CAMK1D: variants seen among roughly 807,000 people sequenced by gnomAD.
CAMK1D encodes the protein calcium/calmodulin dependent protein kinase ID.
CAMK1D carries 9 observed loss-of-function variants against 47.7 expected under a neutral mutation model. The observed-to-expected ratio is 0.19, with a 90% confidence interval of 0.11 to 0.33. The LOEUF (loss-of-function observed/expected upper bound fraction) is 0.33. Ranked by LOEUF, CAMK1D falls within the 10% of genes least tolerant of loss-of-function variation. CAMK1D has a pLI of 1.00. For synonymous variants in CAMK1D, 184 were observed against 184.9 expected, an observed-to-expected ratio of 0.99 and a Z score of 0.04; for missense variants, 291 against 488.7, an observed-to-expected ratio of 0.60 and a Z score of 3.81.
chr10:12,717,024 TAAAAAC>T (rs1834168808), intron 3 of CAMK1D, among the ~76,000 whole-genome samples: 1 of 152,242 alleles, frequency 6.6e-6, no homozygotes, highest in Non-Finnish European at 1.5e-5. Flanking sequence ...TGGTCAGTGT[TAAAAAC>T]AGAATGCCAT....
intron 1 of CAMK1D, among the ~76,000 whole-genome samples, chr10:12,466,914 C>T (rs1046903048): frequency 6.6e-6 from 1 of 152,062 alleles, no homozygotes; most frequent in Admixed American, 6.6e-5. Flanking sequence ...AGCTGGGGCA[C>T]ATTTGCTTGT....
chr10:12,746,429 G>C (rs1835685006), intron 3 of CAMK1D, among the ~76,000 whole-genome samples: 1 of 151,260 alleles, frequency 6.6e-6, no homozygotes, highest in African/African-American at 2.4e-5. Context: ...TTTTAGAAAA[G>C]CTTGCCAGAA....
chr10:12,604,283 G>A (rs59336224), intron 2 of CAMK1D, among the ~76,000 whole-genome samples: 5 of 152,148 alleles, frequency 3.3e-5, no homozygotes, highest in Non-Finnish European at 7.4e-5. Flanking sequence ...GGAGATGGGG[G>A]TTGCGCAAAC....
chr10:12,739,913 G>A (rs1476620204), intron 3 of CAMK1D, among the ~76,000 whole-genome samples: 1 of 152,080 alleles, frequency 6.6e-6, no homozygotes, highest in African/African-American at 2.4e-5. Flanking sequence ...AGAAGAAAGT[G>A]GAATTTGTAC....
intron 1 of CAMK1D, among the ~76,000 whole-genome samples, chr10:12,390,948 G>A (rs919234391): frequency 2.0e-5 from 3 of 152,104 alleles, no homozygotes; most frequent in Admixed American, 2.0e-4. Flanking sequence ...AACTTGATGA[G>A]ATTCTGTGTG....
At chr10:12,435,465 A>G (rs534251103) in intron 1 of CAMK1D, among the ~76,000 whole-genome samples, 2 of 152,034 alleles carry the variant, frequency 1.3e-5, no homozygotes, top group Non-Finnish European at 2.9e-5. Flanking sequence ...ACCTTTGTGC[A>G]ACAGGCTGGA....
intron 2 of CAMK1D, among the ~76,000 whole-genome samples, chr10:12,634,312 C>A (rs1326439276): frequency 6.6e-6 from 1 of 152,032 alleles, no homozygotes; most frequent in African/African-American, 2.4e-5. Flanking sequence ...AAAATAAAAC[C>A]AAAAAGCCCA....
intron 1 of CAMK1D, among the ~76,000 whole-genome samples, chr10:12,396,354 G>A (rs147072644): frequency 1.0e-3 from 152 of 152,298 alleles, no homozygotes; most frequent in South Asian, 3.1e-3. Flanking sequence ...CTTGGGGAAC[G>A]GTTGCCAAAA....
intron 8 of CAMK1D, among the ~76,000 whole-genome samples, chr10:12,822,265 A>G (rs760132436): frequency 9.2e-5 from 14 of 152,200 alleles, no homozygotes; most frequent in Admixed American, 2.6e-4. Context: ...GGGGAGGGCC[A>G]CGGTGCACTA....
chr10:12,514,471 A>C (rs1835130696), intron 1 of CAMK1D, among the ~76,000 whole-genome samples: 1 of 152,226 alleles, frequency 6.6e-6, no homozygotes, highest in Admixed American at 6.5e-5. Flanking sequence ...CTGTGGGTTC[A>C]CACTAGTGAA....
At position 12,447,769 on chromosome 10, in the gene CAMK1D, A is replaced by G. The variant is rs144155472; in HGVS notation, c.92+97859A>G. On this transcript the variant is annotated intron_variant, in intron 1 of 10. Coordinates refer to ENST00000619168, the MANE Select transcript of CAMK1D (RefSeq NM_153498.4). ...AGTCTTGAACTCTTGGACTCAAGTGATCCTCCTGCCTCAGCCTCCTGAGTA... is the reference window on the plus strand; with the variant it reads ...AGTCTTGAACTCTTGGACTCAAGTGGTCCTCCTGCCTCAGCCTCCTGAGTA... Among the ~76,000 whole-genome samples the G allele has an allele frequency of 1.3e-4, 20 of 152,306 alleles. No homozygotes were observed. The East Asian group carries it at 3.3e-3, about 25-fold the overall frequency.
At chr10:12,472,153 C>A (rs1341430236) in intron 1 of CAMK1D, among the ~76,000 whole-genome samples, 1 of 152,114 alleles carries the variant, frequency 6.6e-6, no homozygotes, top group Non-Finnish European at 1.5e-5. Context: ...TTGTCGAGTT[C>A]ACAGTCACTT....
intron 3 of CAMK1D, among the ~76,000 whole-genome samples, chr10:12,668,530 G>A (rs1218363963): frequency 1.3e-5 from 2 of 152,148 alleles, no homozygotes; most frequent in Non-Finnish European, 2.9e-5. Flanking sequence ...TCGATAATGG[G>A]AAAATGGGGA....
At chr10:12,712,606 C>A (rs1252759557) in intron 3 of CAMK1D, among the ~76,000 whole-genome samples, 2 of 152,130 alleles carry the variant, frequency 1.3e-5, no homozygotes, top group Non-Finnish European at 2.9e-5. Context: ...TCTGGCGTCT[C>A]TTCTTATAGG....
chr10:12,511,209 A>T (rs1488304319), intron 1 of CAMK1D, among the ~76,000 whole-genome samples: 1 of 152,152 alleles, frequency 6.6e-6, no homozygotes. Context: ...TACCATGCAG[A>T]TGTGGGAGTC....
chr10:12,732,014 C>T (rs191970015), intron 3 of CAMK1D, among the ~76,000 whole-genome samples: 2 of 152,228 alleles, frequency 1.3e-5, no homozygotes, highest in East Asian at 1.9e-4. Context: ...GAGGCTGAGA[C>T]GGGTGGGTCA....
intron 1 of CAMK1D, among the ~76,000 whole-genome samples, chr10:12,394,330 G>T (rs908847086): frequency 1.3e-5 from 2 of 152,112 alleles, no homozygotes; most frequent in African/African-American, 4.8e-5. Flanking sequence ...TCCAATTAGG[G>T]TTTTTATGGA....
At chr10:12,719,716 C>T (rs950514682) in intron 3 of CAMK1D, among the ~76,000 whole-genome samples, 2 of 152,242 alleles carry the variant, frequency 1.3e-5, no homozygotes, top group East Asian at 1.9e-4. Flanking sequence ...GTCCCTGCCA[C>T]TCTTACTCCT....
At chr10:12,641,642 A>G (rs1208515404) in intron 2 of CAMK1D, among the ~76,000 whole-genome samples, 9 of 152,088 alleles carry the variant, frequency 5.9e-5, no homozygotes, top group Non-Finnish European at 1.2e-4. Context: ...CAAAGAAAAA[A>G]AGAGAAACAT....
Sources: gnomAD v4.1 joint callset for allele counts (sites outside exome capture counted in the v4.1 genomes callset) on GRCh38, gnomAD v4.1.1 for gene constraint, MANE v1.5 for transcripts, NCBI Gene and HGNC (gene_info 2026-07-23, HGNC 2026-07-21) for gene names.